Variants in FHIT observed in about 807,000 individuals in gnomAD.
FHIT encodes bis(5'-adenosyl)-triphosphatase.
Under a neutral mutation model 17.9 loss-of-function variants are expected in FHIT, and 19 were observed. The observed-to-expected ratio is 1.06, with a 90% CI of 0.74 to 1.56. FHIT has a LOEUF of 1.56. FHIT is among the 40% of genes most tolerant of loss of function. FHIT has a pLI of 0.00. For missense variants in FHIT, 248 were observed against 189.2 expected (o/e 1.31, Z -1.82); for synonymous variants, 81 against 69.7 (o/e 1.16, Z -0.81).
intron 4 of FHIT, among the ~76,000 whole-genome samples, chr3:60,814,796 A>C (rs1400213581): frequency 6.6e-6 from 1 of 152,052 alleles, no homozygotes; most frequent in Non-Finnish European, 1.5e-5. Context: ...TGCTTTCCAC[A>C]GTGGCCGAAC....
At chr3:60,264,935 TA>T (rs1195848579) in intron 5 of FHIT, among the ~76,000 whole-genome samples, 2 of 151,886 alleles carry the variant, frequency 1.3e-5, no homozygotes, top group African/African-American at 4.8e-5. Context: ...TATATCCTTA[TA>T]CGTATTGTCT....
intron 2 of FHIT, among the ~76,000 whole-genome samples, chr3:61,191,249 C>T (rs948492555): frequency 2.0e-5 from 3 of 152,098 alleles, no homozygotes; most frequent in Non-Finnish European, 4.4e-5. Flanking sequence ...AGCATTTAAA[C>T]AGAAGGCCAT....
Position 60,361,699 on chromosome 3 carries a change from G to C in FHIT, c.103+175161C>G, listed in dbSNP as rs1341380980. On this transcript the variant is annotated intron_variant, in intron 5 of 9. Coordinates refer to ENST00000492590, the MANE Select transcript of FHIT (RefSeq NM_002012.4). ...TTCAGACACAGAACCCCACTGGCCA[G>C]AGAGAGAGACAGATTTTACCCCTCA... Among the ~76,000 whole-genome samples the C allele has an allele frequency of 2.0e-5, 3 of 152,162 alleles. No homozygotes were observed. In the South Asian group the frequency reaches 6.2e-4, roughly 32 times the overall value.
At chr3:60,020,331 C>T (rs1700507516) in intron 5 of FHIT, among the ~76,000 whole-genome samples, 1 of 152,118 alleles carries the variant, frequency 6.6e-6, no homozygotes, top group South Asian at 2.1e-4. Flanking sequence ...TGTACTGATT[C>T]AGATGATTAA....
chr3:60,150,317 G>C (rs150569412), intron 5 of FHIT, among the ~76,000 whole-genome samples: 1 of 151,920 alleles, frequency 6.6e-6, no homozygotes, highest in Non-Finnish European at 1.5e-5. Flanking sequence ...CATTTAATGG[G>C]ATGTTAGGAA....
chr3:59,948,926 G>C (rs1035680124), intron 7 of FHIT, among the ~76,000 whole-genome samples: 1 of 151,384 alleles, frequency 6.6e-6, no homozygotes, highest in Non-Finnish European at 1.5e-5. Context: ...GTGCAGGTTT[G>C]TTACCTGAGT....
intron 7 of FHIT, among the ~76,000 whole-genome samples, chr3:59,997,779 T>C (rs1428883364): frequency 6.6e-6 from 1 of 152,200 alleles, no homozygotes; most frequent in Admixed American, 6.5e-5. Context: ...CAATTAGGTT[T>C]GCAATTAAAA....
At chr3:60,544,526 T>C (rs1459627291) in intron 4 of FHIT, among the ~76,000 whole-genome samples, 3 of 152,016 alleles carry the variant, frequency 2.0e-5, no homozygotes, top group African/African-American at 7.2e-5. Context: ...TATTTTTTAA[T>C]ATACTGCTAG....
At chr3:59,779,962 T>G (rs944748369) in intron 8 of FHIT, among the ~76,000 whole-genome samples, 2 of 152,192 alleles carry the variant, frequency 1.3e-5, no homozygotes, top group Non-Finnish European at 2.9e-5. Flanking sequence ...AAATGGACTT[T>G]CCTGAAACAA....
rs139456418 is a variant in FHIT at position 60,910,557 on chromosome 3, G to A, written c.-110-88546C>T. Among the ~76,000 whole-genome samples, 499 of 151,924 alleles carry A rather than the reference G, an allele frequency of 3.3e-3. 4 individuals carry two copies. Among genetic ancestry groups the A allele is most frequent in the African/African-American group, 0.012 (482 of 41,428 alleles). ...CTCCCGAGTAGCTGGGACTACAGGCGCCCACCACCACGCCCGGCTAATTTT... is the reference window on the plus strand; with the variant it reads ...CTCCCGAGTAGCTGGGACTACAGGCACCCACCACCACGCCCGGCTAATTTT... On this transcript the variant is annotated intron_variant, in intron 3 of 9. Coordinates refer to ENST00000492590, the MANE Select transcript of FHIT (RefSeq NM_002012.4).
At chr3:59,929,787 A>G (rs1705872945) in intron 7 of FHIT, among the ~76,000 whole-genome samples, 1 of 152,120 alleles carries the variant, frequency 6.6e-6, no homozygotes, top group East Asian at 1.9e-4. Flanking sequence ...GAAAATTTAG[A>G]TCACCAGTTA....
intron 3 of FHIT, among the ~76,000 whole-genome samples, chr3:60,935,672 G>A (rs941396779): frequency 1.2e-4 from 19 of 152,168 alleles, no homozygotes; most frequent in Admixed American, 5.2e-4. Context: ...CTGACTCTAA[G>A]AAACTGTGAC....
intron 3 of FHIT, among the ~76,000 whole-genome samples, chr3:60,929,860 T>A (rs2107359230): frequency 6.6e-6 from 1 of 152,246 alleles, no homozygotes; most frequent in East Asian, 1.9e-4. Context: ...TGGAAAAAAC[T>A]ACCTTAAAGT....
At chr3:60,004,265 T>C (rs1699838178) in intron 7 of FHIT, among the ~76,000 whole-genome samples, 1 of 152,140 alleles carries the variant, frequency 6.6e-6, no homozygotes, top group Non-Finnish European at 1.5e-5. Context: ...CTGAATCCTA[T>C]AAAACACTGA....
intron 1 of FHIT, among the ~76,000 whole-genome samples, chr3:61,238,296 A>G (rs1388169037): frequency 1.3e-5 from 2 of 152,208 alleles, no homozygotes; most frequent in Non-Finnish European, 2.9e-5. Flanking sequence ...AGCTAACCAG[A>G]GAAATGACTT....
At chr3:59,967,771 T>A (rs962874185) in intron 7 of FHIT, among the ~76,000 whole-genome samples, 2 of 151,854 alleles carry the variant, frequency 1.3e-5, no homozygotes, top group African/African-American at 4.8e-5. Flanking sequence ...AAAGCTACCA[T>A]AATTCTGCTT....
intron 8 of FHIT, among the ~76,000 whole-genome samples, chr3:59,772,703 C>T (rs1271861590): frequency 6.6e-6 from 1 of 152,194 alleles, no homozygotes; most frequent in Non-Finnish European, 1.5e-5. Flanking sequence ...ACCCTGTGAG[C>T]CTTCTATGAA....
At chr3:61,092,924 C>T (rs1045716279) in intron 2 of FHIT, among the ~76,000 whole-genome samples, 2 of 152,112 alleles carry the variant, frequency 1.3e-5, no homozygotes, top group African/African-American at 4.8e-5. Flanking sequence ...GAACAAATCC[C>T]AAACAATGAA....
At chr3:60,699,732 C>T (rs994646016) in intron 4 of FHIT, among the ~76,000 whole-genome samples, 1 of 149,782 alleles carries the variant, frequency 6.7e-6, no homozygotes, top group Non-Finnish European at 1.5e-5. Flanking sequence ...AAGTACAACA[C>T]CATTAGGATT....
Sources: gnomAD v4.1 joint callset for allele counts (sites outside exome capture counted in the v4.1 genomes callset) on GRCh38, gnomAD v4.1.1 for gene constraint, MANE v1.5 for transcripts, NCBI Gene and HGNC (gene_info 2026-07-23, HGNC 2026-07-21) for gene names.